The following ITSN1 variants were observed in gnomAD, a reference collection of about 807,000 sequenced individuals.
ITSN1 encodes intersectin 1.
ITSN1 carries 58 observed loss-of-function variants against 239.8 expected under a neutral mutation model. That is an observed-to-expected ratio of 0.24 (90% CI 0.20 to 0.30). ITSN1 has a LOEUF of 0.30. Among genes scored for constraint, ITSN1 ranks in the 10% least tolerant of loss-of-function variants. ITSN1 has a pLI of 1.00. For missense variants in ITSN1, 1,558 were observed against 2,103.3 expected (o/e 0.74, Z 5.07); for synonymous variants, 780 against 770.8 (o/e 1.01, Z -0.20).
At chr21:33,715,915 T>G (rs1189694802) in intron 1 of ITSN1, among the ~76,000 whole-genome samples, 2 of 152,088 alleles carry the variant, frequency 1.3e-5, no homozygotes, top group East Asian at 3.8e-4. Flanking sequence ...AGACTCTGTC[T>G]CAATAAATAA....
intron 33 of ITSN1, among the ~76,000 whole-genome samples, chr21:33,872,192 G>A (rs1413106309): frequency 6.6e-6 from 1 of 152,188 alleles, no homozygotes; most frequent in Admixed American, 6.5e-5. Flanking sequence ...AATTGATACA[G>A]CCTTTTTTGG....
chr21:33,737,517 T>C (rs1013417298), intron 5 of ITSN1, among the ~76,000 whole-genome samples: 19 of 152,204 alleles, frequency 1.2e-4, no homozygotes, highest in Non-Finnish European at 2.4e-4. Context: ...ATATATTTTA[T>C]AGTTTGTTGA....
chr21:33,694,796 G>A (rs1171908842), intron 1 of ITSN1, among the ~76,000 whole-genome samples: 1 of 152,086 alleles, frequency 6.6e-6, no homozygotes, highest in Non-Finnish European at 1.5e-5. Context: ...TCCAGCCTGG[G>A]AGACAGAGCA....
chr21:33,723,230 TC>T lies in ITSN1; in HGVS notation c.185+581del, dbSNP rs796700093. On this transcript the variant is annotated intron_variant, in intron 4 of 39. Transcript: ENST00000381318. ...TGGAGAGCCATGCTGAATTCTGTTG[TC>T]CTCTAAGATGTCTCATTTTTTTCAC... is the stretch of plus-strand genomic sequence containing the variant. Among the ~76,000 whole-genome samples, 53 of 152,320 alleles carry T rather than the reference TC, an allele frequency of 3.5e-4. 1 individual carries two copies. Among genetic ancestry groups the T allele is most frequent in the African/African-American group, 1.2e-3 (51 of 41,574 alleles).
chr21:33,690,457 G>A (rs1441491030), intron 1 of ITSN1, among the ~76,000 whole-genome samples: 1 of 149,966 alleles, frequency 6.7e-6, no homozygotes, highest in Non-Finnish European at 1.5e-5. Context: ...AAAAGTAGCC[G>A]GTCATGGTGG....
chr21:33,746,026 C>T (rs934576816), intron 5 of ITSN1, among the ~76,000 whole-genome samples: 1 of 152,166 alleles, frequency 6.6e-6, no homozygotes, highest in African/African-American at 2.4e-5. Context: ...GGTGTTTGAG[C>T]ACAACTTCCG....
intron 1 of ITSN1, among the ~76,000 whole-genome samples, chr21:33,699,828 T>C (rs1261748283): frequency 1.3e-5 from 2 of 152,310 alleles, no homozygotes; most frequent in African/African-American, 2.4e-5. Flanking sequence ...GGTGCCATCA[T>C]AGCTCACTAC....
At chr21:33,840,663 A>G (rs1335122642) in intron 29 of ITSN1, among the ~76,000 whole-genome samples, 1 of 149,654 alleles carries the variant, frequency 6.7e-6, no homozygotes, top group Non-Finnish European at 1.5e-5. Flanking sequence ...TGCCTGGCTT[A>G]CTTTTTGTAT....
intron 1 of ITSN1, among the ~76,000 whole-genome samples, chr21:33,683,156 G>A (rs2091060039): frequency 6.6e-6 from 1 of 151,766 alleles, no homozygotes; most frequent in Non-Finnish European, 1.5e-5. Flanking sequence ...TTCTCAGACT[G>A]GATAATCAGC....
chr21:33,700,075 T>TTG (rs372597471), intron 1 of ITSN1, among the ~76,000 whole-genome samples: 5,755 of 151,228 alleles, frequency 0.038, 366 homozygotes, highest in African/African-American at 0.13. Context: ...TTGTTTTTTT[T>TTG]TTGTTGTTGT....
chr21:33,768,956 A>G (rs2068919449), intron 11 of ITSN1, among the ~76,000 whole-genome samples: 1 of 152,260 alleles, frequency 6.6e-6, no homozygotes, highest in Non-Finnish European at 1.5e-5. Context: ...AGACATCCAT[A>G]TAAGCAATCA....
chr21:33,795,093 C>T (rs538691481), intron 17 of ITSN1, among the ~76,000 whole-genome samples: 1 of 151,996 alleles, frequency 6.6e-6, no homozygotes, highest in Non-Finnish European at 1.5e-5. Context: ...ATTTTAGACT[C>T]CACGAAACAA....
intron 36 of ITSN1, 41 bp from the exon 37 acceptor site, chr21:33,885,000 T>C: frequency 6.6e-7 from 1 of 1,504,566 alleles, no homozygotes; most frequent in Non-Finnish European, 9.3e-7. Context: ...GCCTTTTTCC[T>C]GAGTTTCTGT....
chr21:33,885,792 G>A (rs980792455), intron 38 of ITSN1, among the ~76,000 whole-genome samples: 7 of 152,164 alleles, frequency 4.6e-5, no homozygotes, highest in Admixed American at 4.6e-4. Flanking sequence ...AGACAGGAAG[G>A]GCCTAGTTTC....
intron 26 of ITSN1, among the ~76,000 whole-genome samples, chr21:33,828,726 A>G (rs2284565): frequency 0.11 from 16,602 of 151,942 alleles, 1,161 homozygotes; most frequent in East Asian, 0.29. Context: ...TTTGTTCTCT[A>G]TTGCTTCTAG....
chr21:33,883,161 G>A (rs936762074), intron 35 of ITSN1, among the ~76,000 whole-genome samples: 1 of 152,154 alleles, frequency 6.6e-6, no homozygotes, highest in Admixed American at 6.5e-5. Flanking sequence ...GAAAACTGCT[G>A]TTTAGAATAC....
intron 33 of ITSN1, among the ~76,000 whole-genome samples, chr21:33,868,600 G>T (rs533443700): frequency 2.6e-5 from 4 of 152,326 alleles, no homozygotes; most frequent in Middle Eastern, 3.4e-3. Context: ...AGGGCCGGCC[G>T]GCTGCTCCGA....
Position 33,782,014 on chromosome 21 carries a change from A to C in ITSN1, c.1705A>C (p.Lys569Gln), listed in dbSNP as rs1360176214. 4 of 1,608,248 alleles carry C rather than the reference A, an allele frequency of 2.5e-6. No homozygotes were observed. The South Asian group carries it at 4.4e-5, about 18-fold the overall frequency. ...AATAGGAGATTCACTTGTTACACTT[A>C]AAAGAGCCTTAGAAGCAAAAGAACT... ...SLHRDSLVTL[K>Q]RALEAKELAR... The change falls in exon 16 of 40, where the codon AAA becomes CAA. Residue 569 changes from lysine to glutamine, a missense_variant. This residue lies in a region of ITSN1 where 982 missense variants were observed against 1,209.9 expected (regional missense o/e 0.81). Transcript: ENST00000381318.
At chr21:33,658,831 A>G (rs2089310120) in intron 1 of ITSN1, among the ~76,000 whole-genome samples, 2 of 152,112 alleles carry the variant, frequency 1.3e-5, no homozygotes, top group South Asian at 2.1e-4. Flanking sequence ...GTATAATTTT[A>G]TATCATTTTG....
Sources: gnomAD v4.1 joint callset for allele counts (sites outside exome capture counted in the v4.1 genomes callset) on GRCh38, gnomAD v4.1.1 for gene constraint, gnomAD v4.1.1 regional missense constraint, MANE v1.5 for transcripts, NCBI Gene and HGNC (gene_info 2026-07-23, HGNC 2026-07-21) for gene names.